IRAG2: variants seen among roughly 807,000 people sequenced by gnomAD.
IRAG2 encodes lymphoid restricted membrane protein.
In IRAG2, 45 loss-of-function variants were observed where a neutral mutation model predicts 69.9. The ratio of observed to expected loss-of-function variants is 0.64; its 90% CI spans 0.51 to 0.83. The LOEUF (loss-of-function observed/expected upper bound fraction) is 0.83. Ranked by LOEUF, IRAG2 falls within the 40% of genes least tolerant of loss-of-function variation. The pLI is 0.00. For synonymous variants in IRAG2, 193 were observed against 202.4 expected, an observed-to-expected ratio of 0.95 and a Z score of 0.40; for missense variants, 520 against 587.0, an observed-to-expected ratio of 0.89 and a Z score of 1.18.
chr12:25,105,900 T>TATGAGCTTG (rs1949063011), intron 20 of IRAG2, among the ~76,000 whole-genome samples: 1 of 152,172 alleles, frequency 6.6e-6, no homozygotes, highest in South Asian at 2.1e-4. Context: ...CTGAGGGTAT[T>TATGAGCTTG]ATGAGCTTGA....
At position 25,105,563 on chromosome 12, in the gene IRAG2, A is replaced by T. The variant is rs572858008; in HGVS notation, c.1148+1101A>T. On this transcript the variant is annotated intron_variant, in intron 20 of 21. Coordinates refer to ENST00000556887, the MANE Select transcript of IRAG2 (RefSeq NM_001366544.2). Reference sequence around the variant, plus strand: ...CTGTTTTGGTTTTTTTCTTTTTTTTAAAGTCCTGGGAGCCTACTGCATGTG... The same window carrying T: ...CTGTTTTGGTTTTTTTCTTTTTTTTTAAGTCCTGGGAGCCTACTGCATGTG... 1.8e-3 allele frequency among the ~76,000 whole-genome samples: 278 copies of T among 151,900 alleles called. 1 individual carries two copies. The highest frequency in any genetic ancestry group is 6.3e-3 in the African/African-American group (260 of 41,452).
chr12:25,081,563 T>C (rs1947217547), intron 9 of IRAG2, among the ~76,000 whole-genome samples: 1 of 152,208 alleles, frequency 6.6e-6, no homozygotes, highest in African/African-American at 2.4e-5. Context: ...GCTACTATAA[T>C]GTGGAGAGAA....
At chr12:25,073,427 T>G (rs1358044338) in intron 6 of IRAG2, among the ~76,000 whole-genome samples, 1 of 152,232 alleles carries the variant, frequency 6.6e-6, no homozygotes, top group East Asian at 1.9e-4. Context: ...GAGTGAGCAC[T>G]CAATTAGCTT....
At chr12:25,015,963 A>G (rs12367162) in intron 5 of IRAG2, among the ~76,000 whole-genome samples, 32,638 of 152,196 alleles carry the variant, frequency 0.21, 4,514 homozygotes, top group Non-Finnish European at 0.32. Flanking sequence ...GGGGAGGCCG[A>G]GGCGGATGGA....
intron 16 of IRAG2, among the ~76,000 whole-genome samples, chr12:25,039,400 C>T (rs578057474): frequency 4.2e-4 from 64 of 152,330 alleles, no homozygotes; most frequent in Middle Eastern, 3.4e-3. Flanking sequence ...AGCTTCCTTA[C>T]ACAGATACCG....
chr12:25,043,196 G>GA (rs1944764764), intron 16 of IRAG2, among the ~76,000 whole-genome samples: 2 of 152,118 alleles, frequency 1.3e-5, no homozygotes, highest in African/African-American at 4.8e-5. Flanking sequence ...AGGCTGGTAG[G>GA]AAAATCTGAG....
At chr12:25,036,311 A>G (rs1017865027) in intron 14 of IRAG2, among the ~76,000 whole-genome samples, 4 of 152,194 alleles carry the variant, frequency 2.6e-5, no homozygotes, top group African/African-American at 9.6e-5. Context: ...AAAATAAGTG[A>G]AAATGGTTGT....
intron 2 of IRAG2, among the ~76,000 whole-genome samples, chr12:25,009,554 G>C (rs1944458719): frequency 6.6e-6 from 1 of 152,190 alleles, no homozygotes; most frequent in African/African-American, 2.4e-5. Flanking sequence ...ATTTATATTT[G>C]TATCTGTCAA....
chr12:25,056,257 G>A (rs566867519), intron 1 of IRAG2, among the ~76,000 whole-genome samples: 2 of 152,248 alleles, frequency 1.3e-5, no homozygotes, highest in East Asian at 3.9e-4. Context: ...CAAAGAAGGC[G>A]GGTGAAGGGA....
intron 4 of IRAG2, among the ~76,000 whole-genome samples, chr12:25,065,738 C>T (rs565365634): frequency 7.5e-4 from 114 of 152,342 alleles, no homozygotes; most frequent in African/African-American, 2.5e-3. Flanking sequence ...GGCACGAACA[C>T]GGCTCACTGC....
chr12:25,038,650 A>T (rs2139857245), intron 16 of IRAG2, among the ~76,000 whole-genome samples: 1 of 152,090 alleles, frequency 6.6e-6, no homozygotes, highest in African/African-American at 2.4e-5. Context: ...CAAAAAAAAA[A>T]AAAAAATCTG....
chr12:25,065,117 T>G (rs1945890941), intron 4 of IRAG2, among the ~76,000 whole-genome samples: 1 of 150,802 alleles, frequency 6.6e-6, no homozygotes. Flanking sequence ...AGAGAAAGAA[T>G]GCTTGCTATG....
intron 14 of IRAG2, among the ~76,000 whole-genome samples, chr12:25,094,997 T>A (rs1452740974): frequency 6.6e-6 from 1 of 152,182 alleles, no homozygotes; most frequent in African/African-American, 2.4e-5. Context: ...TTACTATGTA[T>A]GAGATCATAT....
At chr12:25,008,585 A>G (rs959452816) in intron 2 of IRAG2, among the ~76,000 whole-genome samples, 2 of 152,146 alleles carry the variant, frequency 1.3e-5, no homozygotes, top group African/African-American at 4.8e-5. Flanking sequence ...CTAAAAATAT[A>G]AAAATTACCC....
intron 6 of IRAG2, chr12:25,076,708 T>G: frequency 1.6e-6 from 1 of 615,762 alleles, no homozygotes; most frequent in Non-Finnish European, 2.0e-6. Flanking sequence ...ATAAATGTTA[T>G]TTCATGCTAC....
At chr12:25,057,875 T>C (rs1359345939) in intron 1 of IRAG2, among the ~76,000 whole-genome samples, 1 of 151,918 alleles carries the variant, frequency 6.6e-6, no homozygotes, top group Non-Finnish European at 1.5e-5. Flanking sequence ...TACTTTTTTG[T>C]GTGTTTGTCT....
upstream of IRAG2, among the ~76,000 whole-genome samples, chr12:25,052,082 T>C (rs1219374121): frequency 1.3e-5 from 2 of 152,218 alleles, no homozygotes; most frequent in Non-Finnish European, 2.9e-5. Context: ...TTGTGAAGCA[T>C]TTATATGTAA....
At chr12:25,042,887 A>G (rs1944761968) in intron 16 of IRAG2, among the ~76,000 whole-genome samples, 1 of 151,972 alleles carries the variant, frequency 6.6e-6, no homozygotes, top group Non-Finnish European at 1.5e-5. Context: ...ATAAATAAGG[A>G]TTTATGATGG....
At chr12:25,074,341 G>C (rs1391235670) in intron 6 of IRAG2, among the ~76,000 whole-genome samples, 5 of 152,126 alleles carry the variant, frequency 3.3e-5, no homozygotes, top group Non-Finnish European at 7.4e-5. Flanking sequence ...TCCTTTCATG[G>C]AGTCATTTCC....
Sources: allele counts gnomAD v4.1 joint callset (sites outside exome capture counted in the v4.1 genomes callset), GRCh38; gene constraint gnomAD v4.1.1; transcripts MANE v1.5; gene names NCBI Gene and HGNC (gene_info 2026-07-23, HGNC 2026-07-21).